Variants in SPNS2 observed in about 807,000 individuals in gnomAD.
SPNS2 encodes SPNS lysolipid transporter 2, sphingosine-1-phosphate.
Under a neutral mutation model 57.6 loss-of-function variants are expected in SPNS2, and 37 were observed. That is an observed-to-expected ratio of 0.64 (90% confidence interval 0.49 to 0.85). The LOEUF is 0.85. Among genes scored for constraint, SPNS2 ranks in the 40% least tolerant of loss-of-function variants. The pLI is 0.00. For missense variants in SPNS2, 831 were observed against 779.1 expected, an observed-to-expected ratio of 1.07 and a Z score of -0.79; for synonymous variants, 440 against 346.9, an observed-to-expected ratio of 1.27 and a Z score of -2.98.
intron 6 of SPNS2, 133 bp from the exon 7 acceptor site, chr17:4,532,844 G>A (rs2144368178): frequency 6.8e-7 from 1 of 1,462,904 alleles, no homozygotes; most frequent in Non-Finnish European, 9.2e-7. Flanking sequence ...GATTATTCCT[G>A]CAGCCTGAAC....
At chr17:4,535,165 C>CCCCCA (rs1345361443) in intron 9 of SPNS2, among the ~76,000 whole-genome samples, 10 of 152,222 alleles carry the variant, frequency 6.6e-5, no homozygotes, top group Non-Finnish European at 1.3e-4. Context: ...GCCTGTCCCG[C>CCCCCA]CCCCACCCCA....
chr17:4,530,653 T>G lies in SPNS2; in HGVS notation c.595T>G (p.Ser199Ala), dbSNP rs1905423901. Residue 199 changes from serine to alanine, a missense_variant, in exon 4 of 13, where the codon TCC becomes GCC. Physicochemically the swap from Ser to Ala is moderately conservative, Grantham distance 99. Around this residue, in one of 2 missense-constraint regions of SPNS2, gnomAD observed 305 missense variants for 378.3 expected, o/e 0.81. Coordinates refer to ENST00000329078, the MANE Select transcript of SPNS2 (RefSeq NM_001124758.3). ...PQQYFWLLVL[S>A]RGLVGIGEAS... The stretch of plus-strand genomic sequence containing the variant: ...ACAGTACTTCTGGCTGCTGGTCCTG[T>G]CCCGGGGGCTGGTGGGCATCGGGGA... 1 of 1,613,182 alleles carries G rather than the reference T, an allele frequency of 6.2e-7. No individual in the cohort carries two copies. Among genetic ancestry groups the G allele is most frequent in the Non-Finnish European group, 8.5e-7 (1 of 1,179,764 alleles).
intron 9 of SPNS2, among the ~76,000 whole-genome samples, chr17:4,535,397 A>G (rs1905729517): frequency 6.6e-6 from 1 of 152,134 alleles, no homozygotes; most frequent in African/African-American, 2.4e-5. Context: ...GGGAACCAAG[A>G]TGGGTCTTTA....
chr17:4,513,217 G>A, intron 1 of SPNS2, 30 bp from the exon 2 acceptor site: 1 of 1,612,224 alleles, frequency 6.2e-7, no homozygotes, highest in Non-Finnish European at 8.5e-7. Flanking sequence ...ATCAGACTCG[G>A]CCAGTGAGCA....
intron 8 of SPNS2, 161 bp downstream of exon 8, chr17:4,533,593 C>G (rs1905607764): frequency 2.0e-6 from 2 of 1,007,718 alleles, no homozygotes; most frequent in Admixed American, 2.3e-5. Flanking sequence ...CACACACAGC[C>G]TGTCCAGGGC....
chr17:4,501,525 G>C (rs910549943), intron 1 of SPNS2, among the ~76,000 whole-genome samples: 1 of 152,110 alleles, frequency 6.6e-6, no homozygotes, highest in African/African-American at 2.4e-5. Context: ...TGCCTGGGCT[G>C]TGCCTCCCTC....
chr17:4,509,880 C>T (rs1010357742), intron 1 of SPNS2, among the ~76,000 whole-genome samples: 1 of 152,238 alleles, frequency 6.6e-6, no homozygotes, highest in Non-Finnish European at 1.5e-5. Context: ...CCCCACTTTG[C>T]ATGCACGCCT....
intron 9 of SPNS2, 32 bp from the exon 10 acceptor site, chr17:4,536,044 T>C (rs1330104034): frequency 2.5e-6 from 4 of 1,596,166 alleles, no homozygotes; most frequent in Non-Finnish European, 2.6e-6. Context: ...GCCTTTCTCC[T>C]CTGGCCGCTG....
At chr17:4,513,159 C>A in intron 1 of SPNS2, 88 bp from the exon 2 acceptor site, 2 of 1,437,012 alleles carry the variant, frequency 1.4e-6, no homozygotes, top group Admixed American at 1.7e-5. Flanking sequence ...CCAGGCTGGG[C>A]CCTGCAAGGC....
intron 5 of SPNS2, among the ~76,000 whole-genome samples, chr17:4,532,147 T>C (rs1905508675): frequency 7.4e-6 from 1 of 135,790 alleles, no homozygotes; most frequent in Admixed American, 7.8e-5. Context: ...TTCATCCATC[T>C]GTCCATCCGT....
At chr17:4,522,748 C>T (rs986541783) in intron 2 of SPNS2, among the ~76,000 whole-genome samples, 10 of 152,240 alleles carry the variant, frequency 6.6e-5, no homozygotes, top group African/African-American at 2.4e-4. Flanking sequence ...GGACTGCTTT[C>T]CAGGGGGAGG....
intron 2 of SPNS2, among the ~76,000 whole-genome samples, chr17:4,523,522 C>T (rs551366938): frequency 4.6e-5 from 7 of 152,226 alleles, no homozygotes; most frequent in African/African-American, 1.4e-4. Flanking sequence ...AGTCCCAGCA[C>T]TTTGGGAGGC....
intron 9 of SPNS2, among the ~76,000 whole-genome samples, chr17:4,535,559 G>T (rs796606920): frequency 9.7e-4 from 148 of 152,320 alleles, no homozygotes; most frequent in African/African-American, 3.4e-3. Flanking sequence ...AGCCGCGCTG[G>T]AGAGGCAGCA....
At chr17:4,537,400 C>T (rs955751282) in intron 12 of SPNS2, 53 bp from the exon 13 acceptor site, 3 of 410,064 alleles carry the variant, frequency 7.3e-6, no homozygotes, top group African/African-American at 2.0e-5. Flanking sequence ...GGAGGGCAGC[C>T]TTGGCACAGG....
intron 2 of SPNS2, among the ~76,000 whole-genome samples, chr17:4,522,573 TCCTC>T (rs1387020339): frequency 1.3e-5 from 2 of 152,158 alleles, no homozygotes; most frequent in African/African-American, 4.8e-5. Flanking sequence ...TTTTCCTCCT[TCCTC>T]CCTCCCTCTT....
At chr17:4,503,502 G>T (rs1387579830) in intron 1 of SPNS2, among the ~76,000 whole-genome samples, 1 of 152,228 alleles carries the variant, frequency 6.6e-6, no homozygotes, top group Admixed American at 6.5e-5. Flanking sequence ...AGCCACCTCT[G>T]CCACCCAGGC....
intron 12 of SPNS2, 114 bp from the exon 13 acceptor site, chr17:4,537,339 G>A (rs1369597883): frequency 7.5e-6 from 3 of 402,428 alleles, no homozygotes; most frequent in Middle Eastern, 3.7e-4. Context: ...GGTCACAGCT[G>A]CAGGTCCAGG....
intron 9 of SPNS2, 148 bp from the exon 10 acceptor site, chr17:4,535,928 G>A (rs1463550200): frequency 1.5e-6 from 1 of 645,760 alleles, no homozygotes; most frequent in South Asian, 1.9e-5. Context: ...GTGGGGAGGA[G>A]GGCAGGGCCC....
intron 5 of SPNS2, among the ~76,000 whole-genome samples, chr17:4,532,304 T>C (rs1905522153): frequency 6.6e-6 from 1 of 152,074 alleles, no homozygotes; most frequent in South Asian, 2.1e-4. Context: ...CTGGCTTCCC[T>C]GCACCTTCCC....
Sources: allele counts gnomAD v4.1 joint callset (sites outside exome capture counted in the v4.1 genomes callset), GRCh38; gene constraint gnomAD v4.1.1; regional missense constraint gnomAD v4.1.1; transcripts MANE v1.5; gene names NCBI Gene and HGNC (gene_info 2026-07-23, HGNC 2026-07-21).